The following MACROD2 variants were observed in gnomAD, a reference collection of about 807,000 sequenced individuals.
The protein encoded by MACROD2 is ADP-ribose glycohydrolase MACROD2.
Under a neutral mutation model 70.4 loss-of-function variants are expected in MACROD2, and 36 were observed. The observed-to-expected ratio is 0.51, with a 90% CI of 0.39 to 0.68. The LOEUF (loss-of-function observed/expected upper bound fraction) is 0.68, where lower values mean the gene tolerates loss of function less well. Ranked by LOEUF, MACROD2 falls within the 30% of genes least tolerant of loss-of-function variation. MACROD2 has a pLI of 0.00. For missense variants in MACROD2, 496 were observed against 538.4 expected, an observed-to-expected ratio of 0.92 and a Z score of 0.78; for synonymous variants, 172 against 178.8, an observed-to-expected ratio of 0.96 and a Z score of 0.30.
intron 8 of MACROD2, among the ~76,000 whole-genome samples, chr20:15,572,800 C>T (rs2048392661): frequency 6.6e-6 from 1 of 152,038 alleles, no homozygotes. Flanking sequence ...TTTTAGTCAG[C>T]ATATTATCAA....
At chr20:14,995,574 C>G (rs1432970844) in intron 5 of MACROD2, among the ~76,000 whole-genome samples, 1 of 151,892 alleles carries the variant, frequency 6.6e-6, no homozygotes, top group East Asian at 1.9e-4. Context: ...ATGTAATGCT[C>G]ATTAAATTTC....
intron 6 of MACROD2, among the ~76,000 whole-genome samples, chr20:15,288,027 A>G (rs1466736599): frequency 6.6e-6 from 1 of 152,218 alleles, no homozygotes; most frequent in Non-Finnish European, 1.5e-5. Flanking sequence ...CGGAAAGGAC[A>G]CTTCTTATAG....
At chr20:14,608,339 A>G in intron 4 of MACROD2, among the ~76,000 whole-genome samples, 1 of 152,164 alleles carries the variant, frequency 6.6e-6, no homozygotes, top group East Asian at 1.9e-4. Context: ...ACTGTGAGTA[A>G]TCTGCACTTT....
At chr20:15,119,458 C>T (rs1187419453) in intron 5 of MACROD2, among the ~76,000 whole-genome samples, 1 of 152,054 alleles carries the variant, frequency 6.6e-6, no homozygotes, top group Non-Finnish European at 1.5e-5. Context: ...ATAGTAGTGT[C>T]AATAGACATA....
intron 3 of MACROD2, among the ~76,000 whole-genome samples, chr20:14,412,367 C>T (rs2083759434): frequency 6.6e-6 from 1 of 152,200 alleles, no homozygotes; most frequent in Non-Finnish European, 1.5e-5. Flanking sequence ...ATGGAAGCCG[C>T]TCTTCATACC....
At chr20:15,226,977 A>G (rs2076912029) in intron 5 of MACROD2, among the ~76,000 whole-genome samples, 1 of 152,172 alleles carries the variant, frequency 6.6e-6, no homozygotes, top group South Asian at 2.1e-4. Flanking sequence ...AGTTACTCAT[A>G]AGTACTATGG....
intron 6 of MACROD2, among the ~76,000 whole-genome samples, chr20:15,393,246 A>G (rs980103492): frequency 3.9e-5 from 6 of 152,144 alleles, no homozygotes; most frequent in African/African-American, 1.2e-4. Context: ...ATCTTCCATT[A>G]TTTCATGAGG....
At chr20:14,853,887 G>A (rs1439351314) in intron 5 of MACROD2, among the ~76,000 whole-genome samples, 1 of 152,102 alleles carries the variant, frequency 6.6e-6, no homozygotes, top group African/African-American at 2.4e-5. Context: ...ATAAGGAAAT[G>A]TAAGAGGAAC....
At chr20:14,931,095 T>C (rs1426314472) in intron 5 of MACROD2, among the ~76,000 whole-genome samples, 1 of 152,118 alleles carries the variant, frequency 6.6e-6, no homozygotes, top group South Asian at 2.1e-4. Flanking sequence ...GTCCTTATTC[T>C]AGTAGAACTA....
intron 4 of MACROD2, among the ~76,000 whole-genome samples, chr20:14,676,128 A>T (rs1600526997): frequency 6.6e-6 from 1 of 152,182 alleles, no homozygotes; most frequent in African/African-American, 2.4e-5. Context: ...TGTCAATATT[A>T]GACAGATCAA....
intron 5 of MACROD2, among the ~76,000 whole-genome samples, chr20:14,990,210 A>T (rs1653160397): frequency 6.6e-6 from 1 of 152,106 alleles, no homozygotes; most frequent in Admixed American, 6.5e-5. Flanking sequence ...TGGGTTTTGG[A>T]AATGTGATCA....
intron 8 of MACROD2, among the ~76,000 whole-genome samples, chr20:15,628,783 A>C (rs1488444534): frequency 6.6e-6 from 1 of 152,216 alleles, no homozygotes; most frequent in Non-Finnish European, 1.5e-5. Flanking sequence ...TGAAAACCAG[A>C]GCCCTGCATG....
chr20:15,957,566 C>T lies in MACROD2; in HGVS notation c.908-9987C>T, dbSNP rs1024543107. Among the ~76,000 whole-genome samples, 346 of 152,300 alleles carry T rather than the reference C, an allele frequency of 2.3e-3. 4 individuals carry two copies. Among genetic ancestry groups the T allele is most frequent in the Non-Finnish European group, 7.5e-4 (51 of 68,032 alleles). ...CTGCTCAATGCCATCCTCTCCTGTT[C>T]TCAGCTGACTTTGGACTAATCTTTA... On this transcript the variant is annotated intron_variant, in intron 12 of 17. Transcript: ENST00000684519.
In MACROD2 at chr20:14,321,686, G is replaced by A. The variant is rs568082422; in HGVS notation, c.272-171793G>A. 1.1e-4 allele frequency among the ~76,000 whole-genome samples: 16 copies of A among 152,264 alleles called. No homozygotes were observed. In the South Asian group the frequency reaches 3.3e-3, roughly 32 times the overall value. The stretch of plus-strand genomic sequence containing the variant: ...GCTTTAGGGCATGTAGCTCTCTTTG[G>A]ATTCCTCATGAAATTGTCATGTTGG... On this transcript the variant is annotated intron_variant, in intron 3 of 17. Coordinates refer to ENST00000684519, the MANE Select transcript of MACROD2 (RefSeq NM_001351661.2).
rs753673265 is a variant in MACROD2 at position 14,720,536 on chromosome 20, C to CTTTTTTTTTTTTTTTTT, written c.418+35595_418+35611dup. Among the ~76,000 whole-genome samples the CTTTTTTTTTTTTTTTTT allele has an allele frequency of 8.9e-4, 32 of 35,946 alleles. 7 individuals carry two copies. Among genetic ancestry groups the CTTTTTTTTTTTTTTTTT allele is most frequent in the East Asian group, 2.7e-3 (2 of 742 alleles). The allele number at this position is 35,946 out of a possible 152,430, so 23.6% of individuals were successfully genotyped here. On this transcript the variant is annotated intron_variant, in intron 5 of 17. Coordinates refer to ENST00000684519, the MANE Select transcript of MACROD2 (RefSeq NM_001351661.2). ...GTTTCATTTCCCAGCTGCCCCACAACTTTTTTTTTTTTTTTTTTTTTTTTT... is the reference window on the plus strand; with the variant it reads ...GTTTCATTTCCCAGCTGCCCCACAACTTTTTTTTTTTTTTTTTTTTTTTTTTTTTTTTTTTTTTTTTT...
chr20:15,487,035 G>C (rs761724484), intron 7 of MACROD2, among the ~76,000 whole-genome samples: 4 of 152,158 alleles, frequency 2.6e-5, no homozygotes, highest in Admixed American at 2.6e-4. Context: ...TCAGGTACCT[G>C]TCTGAAAGGG....
chr20:14,009,393 G>T (rs952043585), intron 2 of MACROD2, among the ~76,000 whole-genome samples: 1 of 152,018 alleles, frequency 6.6e-6, no homozygotes, highest in Non-Finnish European at 1.5e-5. Flanking sequence ...GAGTAATGAT[G>T]CAAATGCAAA....
chr20:15,372,542 C>T (rs1035512469), intron 6 of MACROD2, among the ~76,000 whole-genome samples: 1 of 152,006 alleles, frequency 6.6e-6, no homozygotes, highest in Non-Finnish European at 1.5e-5. Flanking sequence ...TCATTTTTTT[C>T]CCTAGTAGGT....
chr20:15,463,685 G>T (rs4458280), intron 7 of MACROD2, among the ~76,000 whole-genome samples: 1 of 152,052 alleles, frequency 6.6e-6, no homozygotes, highest in East Asian at 1.9e-4. Context: ...GGAGGCAGAG[G>T]TTGCAGTGAG....
Sources: allele counts gnomAD v4.1 joint callset (sites outside exome capture counted in the v4.1 genomes callset), GRCh38; gene constraint gnomAD v4.1.1; transcripts MANE v1.5; gene names NCBI Gene and HGNC (gene_info 2026-07-23, HGNC 2026-07-21).